The following CFAP20DC variants were observed in gnomAD, a reference collection of about 807,000 sequenced individuals.
CFAP20DC encodes protein CFAP20DC.
In CFAP20DC, 84 loss-of-function variants were observed where a neutral mutation model predicts 101.7. That is an observed-to-expected ratio of 0.83 (90% CI 0.69 to 0.99). The LOEUF is 0.99. Ranked by LOEUF, CFAP20DC falls within the 50% of genes least tolerant of loss-of-function variation. The pLI is 0.00. For missense variants in CFAP20DC, 1,007 were observed against 970.3 expected, an observed-to-expected ratio of 1.04 and a Z score of -0.50; for synonymous variants, 359 against 351.2, an observed-to-expected ratio of 1.02 and a Z score of -0.25.
At chr3:58,750,901 C>T (rs2068519247) in intron 16 of CFAP20DC, among the ~76,000 whole-genome samples, 1 of 152,046 alleles carries the variant, frequency 6.6e-6, no homozygotes, top group Admixed American at 6.6e-5. Flanking sequence ...TCTTTAACTG[C>T]CAAAATATAT....
intron 4 of CFAP20DC, among the ~76,000 whole-genome samples, chr3:59,016,949 A>G (rs1336541636): frequency 1.3e-5 from 2 of 152,114 alleles, no homozygotes; most frequent in Non-Finnish European, 2.9e-5. Flanking sequence ...AATGATGAAG[A>G]GAGGGGTCCT....
intron 14 of CFAP20DC, among the ~76,000 whole-genome samples, chr3:58,808,753 A>T (rs1575703054): frequency 6.6e-6 from 1 of 152,346 alleles, no homozygotes; most frequent in Admixed American, 6.5e-5. Flanking sequence ...TGCTCCAATT[A>T]AAAGACACAG....
chr3:58,717,693 C>A lies in CFAP20DC; in HGVS notation c.198-65G>T. ...AGAAAAAAGGTACATGCCTTTTATTCTGGGTCTGTCCATTGTTATCAGGAA... is the reference window on the plus strand; with the variant it reads ...AGAAAAAAGGTACATGCCTTTTATTATGGGTCTGTCCATTGTTATCAGGAA... On this transcript the variant is annotated intron_variant, in intron 3 of 3. Coordinates refer to the CFAP20DC transcript ENST00000486145. The surrounding 1 kb of genome is among the most constrained non-coding windows in gnomAD (Gnocchi z 4.1). 2.4e-6 allele frequency: 1 copy of A among 417,698 alleles called. No individual in the cohort carries two copies. Among genetic ancestry groups the A allele is most frequent in the South Asian group, 1.8e-5 (1 of 56,800 alleles). The allele number at this position is 417,698 out of a possible 1,614,324, so 25.9% of individuals were successfully genotyped here.
intron 6 of CFAP20DC, among the ~76,000 whole-genome samples, chr3:58,911,671 T>C (rs1179770083): frequency 6.6e-6 from 1 of 152,156 alleles, no homozygotes; most frequent in Non-Finnish European, 1.5e-5. Context: ...CACATTATTC[T>C]TATTTTATAG....
intron 11 of CFAP20DC, among the ~76,000 whole-genome samples, chr3:58,865,834 A>G (rs1559731792): frequency 6.6e-6 from 1 of 152,220 alleles, no homozygotes; most frequent in African/African-American, 2.4e-5. Context: ...AAGTAAAAGG[A>G]GTGTTTTACA....
At chr3:58,988,557 T>C (rs2092826951) in intron 4 of CFAP20DC, among the ~76,000 whole-genome samples, 1 of 152,110 alleles carries the variant, frequency 6.6e-6, no homozygotes, top group Admixed American at 6.6e-5. Flanking sequence ...ATATGTCAGC[T>C]CATACTCATC....
intron 12 of CFAP20DC, among the ~76,000 whole-genome samples, chr3:58,857,795 A>G (rs1378752834): frequency 1.3e-5 from 2 of 152,184 alleles, no homozygotes; most frequent in Non-Finnish European, 2.9e-5. Context: ...TAAAAAAAGT[A>G]CAGTATTTAT....
chr3:58,719,339 C>T (rs922893549), intron 3 of CFAP20DC, among the ~76,000 whole-genome samples: 10 of 152,292 alleles, frequency 6.6e-5, no homozygotes, highest in Admixed American at 3.3e-4. Flanking sequence ...TCTAGTTAAT[C>T]GAGGTCTTAC....
Position 58,788,577 on chromosome 3 carries a change from T to C in CFAP20DC, c.2237+17818A>G, listed in dbSNP as rs1017749375. On this transcript the variant is annotated intron_variant, in intron 15 of 16. Transcript: ENST00000482387. The surrounding 1 kb of genome is among the most constrained non-coding windows in gnomAD (Gnocchi z 4.2). ...CGTGCTGCATGTCTGGATGAACACA[T>C]GGCTAGGCTGGGATTGTAGCAACAG... Among the ~76,000 whole-genome samples, 5 of 152,226 alleles carry C rather than the reference T, an allele frequency of 3.3e-5. No homozygotes were observed. The East Asian group carries it at 9.7e-4, about 29-fold the overall frequency.
rs1022715742 is a variant in CFAP20DC, at chr3:58,728,806, T to C, written c.198-11178A>G. On this transcript the variant is annotated intron_variant, in intron 3 of 3. Coordinates refer to the CFAP20DC transcript ENST00000486145. The surrounding 1 kb of genome is among the most constrained non-coding windows in gnomAD (Gnocchi z 4.7). ...ATTACTAGGTCTTTGTTGTAGCCTCTTTCCAAGACATCTCTCAACAGCCCT... is the reference window on the plus strand; with the variant it reads ...ATTACTAGGTCTTTGTTGTAGCCTCCTTCCAAGACATCTCTCAACAGCCCT... 6.6e-6 allele frequency among the ~76,000 whole-genome samples: 1 copy of C among 152,168 alleles called. No homozygotes were observed. Among genetic ancestry groups the C allele is most frequent in the Non-Finnish European group, 1.5e-5 (1 of 68,024 alleles).
intron 4 of CFAP20DC, among the ~76,000 whole-genome samples, chr3:58,983,408 TAACA>T (rs2092647708): frequency 6.6e-6 from 1 of 152,182 alleles, no homozygotes; most frequent in South Asian, 2.1e-4. Context: ...GTTTCCAATT[TAACA>T]AACAAAACAT....
chr3:58,764,567 C>T (rs759053240), intron 15 of CFAP20DC, among the ~76,000 whole-genome samples: 7 of 152,154 alleles, frequency 4.6e-5, no homozygotes, highest in Non-Finnish European at 8.8e-5. Context: ...GAGATGAACC[C>T]GGTACCTCAG....
At chr3:58,829,972 T>A (rs1391873744) in intron 14 of CFAP20DC, among the ~76,000 whole-genome samples, 1 of 152,204 alleles carries the variant, frequency 6.6e-6, no homozygotes. Flanking sequence ...ATGTTTCAAT[T>A]CTACTGCAAA....
intron 15 of CFAP20DC, among the ~76,000 whole-genome samples, chr3:58,778,135 C>T (rs1042241102): frequency 6.6e-6 from 1 of 152,182 alleles, no homozygotes; most frequent in African/African-American, 2.4e-5. Context: ...GAGAAAGCAA[C>T]CCCAGCCTGC....
At chr3:58,889,368 G>C (rs1204544974) in intron 6 of CFAP20DC, among the ~76,000 whole-genome samples, 4 of 152,124 alleles carry the variant, frequency 2.6e-5, no homozygotes, top group Admixed American at 2.6e-4. Context: ...CAATAGGAAA[G>C]CTTGGAAAGC....
At chr3:58,977,778 T>C (rs1286783222) in intron 4 of CFAP20DC, among the ~76,000 whole-genome samples, 4 of 149,314 alleles carry the variant, frequency 2.7e-5, no homozygotes, top group African/African-American at 9.8e-5. Context: ...ATTTGAAAAC[T>C]GAAGGAGACA....
chr3:58,990,973 C>A (rs191525477), intron 4 of CFAP20DC, among the ~76,000 whole-genome samples: 182 of 152,184 alleles, frequency 1.2e-3, no homozygotes, highest in African/African-American at 4.1e-3. Context: ...TTCATGAAGA[C>A]AGAGATTTTA....
At chr3:58,982,260 G>C (rs2092582101) in intron 4 of CFAP20DC, among the ~76,000 whole-genome samples, 1 of 152,158 alleles carries the variant, frequency 6.6e-6, no homozygotes, top group African/African-American at 2.4e-5. Context: ...ACTGTTGCTG[G>C]GACTGTAAAC....
chr3:59,009,729 GGA>G (rs1314172226), intron 4 of CFAP20DC, among the ~76,000 whole-genome samples: 4 of 152,212 alleles, frequency 2.6e-5, no homozygotes, highest in African/African-American at 9.6e-5. Context: ...AGAACTCTGG[GGA>G]AATTCATAGC....
Sources: gnomAD v4.1 joint callset for allele counts (sites outside exome capture counted in the v4.1 genomes callset) on GRCh38, gnomAD v4.1.1 for gene constraint, Gnocchi (gnomAD v3.1) non-coding constraint, MANE v1.5 for transcripts, NCBI Gene and HGNC (gene_info 2026-07-23, HGNC 2026-07-21) for gene names.